Variants in OR51B5 observed in about 807,000 individuals in gnomAD.
OR51B5 encodes the protein olfactory receptor 51B5.
For synonymous variants in OR51B5, 186 were observed against 144.8 expected (o/e 1.28, Z -2.04); for missense variants, 456 against 374.6 (o/e 1.22, Z -1.79).
At chr11:5,346,708 C>T (rs1473726791), upstream of OR51B5, among the ~76,000 whole-genome samples, 4 of 151,774 alleles carry the variant, frequency 2.6e-5, no homozygotes, top group Non-Finnish European at 4.4e-5. Context: ...TGCACACATC[C>T]AAAGCTGTGG....
chr11:5,451,835 T>C (rs748379247), intron 1 of OR51B5, among the ~76,000 whole-genome samples: 9 of 152,192 alleles, frequency 5.9e-5, no homozygotes, highest in Non-Finnish European at 1.2e-4. Context: ...GGGTGACCTA[T>C]TAGCTTGAAA....
chr11:5,468,001 A>C (rs1477422473), intron 1 of OR51B5, among the ~76,000 whole-genome samples: 2 of 152,166 alleles, frequency 1.3e-5, no homozygotes, highest in Non-Finnish European at 2.9e-5. Flanking sequence ...AGAACTCTGG[A>C]TTATTCTTAT....
chr11:5,468,987 T>C (rs1160981955), intron 1 of OR51B5: 2 of 341,508 alleles, frequency 5.9e-6, no homozygotes, highest in African/African-American at 4.3e-5. Context: ...GATATGCCAT[T>C]GTGGGCCACA....
intron 1 of OR51B5, among the ~76,000 whole-genome samples, chr11:5,376,482 C>T (rs368128459): frequency 1.4e-4 from 21 of 151,892 alleles, no homozygotes; most frequent in Non-Finnish European, 2.2e-4. Flanking sequence ...CTGAAGGAAA[C>T]AGAGACACAA....
In OR51B5 at chr11:5,421,610, CA is replaced by C. The variant is rs563147167; in HGVS notation, n.85-74701del. Among the ~76,000 whole-genome samples the C allele has an allele frequency of 4.7e-4, 72 of 152,146 alleles. 3 individuals are homozygous for C. The South Asian group carries it at 0.014, about 29-fold the overall frequency. Reference sequence around the variant, plus strand: ...TAGAAATAAAATCAATATCAGAAGACATTAGCTAATGAGAATAGGACAGAGT... The same window carrying C: ...TAGAAATAAAATCAATATCAGAAGACTTAGCTAATGAGAATAGGACAGAGT... On this transcript the variant is annotated intron_variant and non_coding_transcript_variant, in intron 1 of 4. Transcript: ENST00000415970.
chr11:5,383,092 A>AT (rs371140238), intron 1 of OR51B5, among the ~76,000 whole-genome samples: 15 of 150,016 alleles, frequency 1.0e-4, no homozygotes, highest in East Asian at 3.9e-4. Flanking sequence ...GTACAAGACT[A>AT]TTTTTTTTTT....
chr11:5,362,333 A>T (rs1016356922), intron 1 of OR51B5, among the ~76,000 whole-genome samples: 3 of 152,354 alleles, frequency 2.0e-5, no homozygotes, highest in East Asian at 1.9e-4. Flanking sequence ...GCAAAAAGCC[A>T]TTCAGAGCCA....
At chr11:5,361,134 G>A (rs907932215) in intron 1 of OR51B5, among the ~76,000 whole-genome samples, 1 of 137,418 alleles carries the variant, frequency 7.3e-6, no homozygotes, top group African/African-American at 2.7e-5. Flanking sequence ...AAAACTTAAA[G>A]TATAATAATA....
intron 1 of OR51B5, chr11:5,455,282 AT>A (rs1250382714): frequency 6.6e-6 from 1 of 151,338 alleles, no homozygotes; most frequent in Non-Finnish European, 1.5e-5. Context: ...CCTTCTTGAG[AT>A]TTTAACTGTC....
chr11:5,439,680 T>C (rs565448581), intron 1 of OR51B5, among the ~76,000 whole-genome samples: 1 of 152,314 alleles, frequency 6.6e-6, no homozygotes, highest in East Asian at 1.9e-4. Context: ...ATGATATTGA[T>C]CTGGAAATCA....
intron 1 of OR51B5, among the ~76,000 whole-genome samples, chr11:5,357,286 C>T (rs566117639): frequency 1.3e-5 from 2 of 151,778 alleles, no homozygotes; most frequent in East Asian, 1.9e-4. Flanking sequence ...GGAAGATCTA[C>T]CAAGAAAATG....
rs199922187 is a variant in OR51B5 at position 5,424,372 on chromosome 11, C to A, written n.85-77462G>T. Among the ~76,000 whole-genome samples the A allele has an allele frequency of 1.6e-3, 225 of 141,026 alleles. 2 individuals carry two copies. The highest frequency in any genetic ancestry group is 5.2e-3 in the African/African-American group (208 of 40,246). 92.5% of individuals were successfully genotyped at this position (141,026 alleles called of 152,430 possible). On this transcript the variant is annotated intron_variant and non_coding_transcript_variant, in intron 1 of 4. Transcript: ENST00000415970. The stretch of plus-strand genomic sequence containing the variant: ...AACAAACAAAAAACAAACAAACAAA[C>A]AAAAAAACACCTTTCAGCAAGATGA...
chr11:5,369,470 AAAAT>A (rs1237650842), intron 1 of OR51B5, among the ~76,000 whole-genome samples: 2 of 152,178 alleles, frequency 1.3e-5, no homozygotes, highest in African/African-American at 4.8e-5. Context: ...TTCTGGATAA[AAAAT>A]AAAATCTGAT....
In OR51B5 at chr11:5,405,406, T is replaced by C. The variant is rs140892212; in HGVS notation, n.85-58496A>G. ...GCAAGAAATAAAGCCTTTGATCTCA[T>C]TAGTAGTCAGTCAAGTAGAATTTAT... On this transcript the variant is annotated intron_variant and non_coding_transcript_variant, in intron 1 of 4. Transcript: ENST00000415970. Among the ~76,000 whole-genome samples, 1,016 of 152,108 alleles carry C rather than the reference T, an allele frequency of 6.7e-3. 7 individuals are homozygous for C. The highest frequency in any genetic ancestry group is 0.023 in the African/African-American group (972 of 41,536).
At chr11:5,431,027 C>A (rs1394750014) in intron 1 of OR51B5, 2 of 456,992 alleles carry the variant, frequency 4.4e-6, no homozygotes, top group Non-Finnish European at 8.8e-6. Flanking sequence ...AGTTTAGTAT[C>A]TGCACAAGGC....
chr11:5,366,751 G>C (rs1235360454), intron 1 of OR51B5, among the ~76,000 whole-genome samples: 3 of 151,542 alleles, frequency 2.0e-5, no homozygotes, highest in African/African-American at 7.3e-5. Context: ...GGAAATCAGG[G>C]TATTCACTTG....
chr11:5,475,857 C>CA (rs1175672988), intron 1 of OR51B5, among the ~76,000 whole-genome samples: 1 of 152,166 alleles, frequency 6.6e-6, no homozygotes, highest in Non-Finnish European at 1.5e-5. Context: ...GGATGACACA[C>CA]ATGGTAGGGT....
chr11:5,392,939 A>C (rs962325033), intron 1 of OR51B5: 3 of 149,966 alleles, frequency 2.0e-5, no homozygotes, highest in Non-Finnish European at 3.0e-5. Context: ...AAAATAAATA[A>C]ATATCTGTGC....
At chr11:5,446,754 G>A (rs1850769601) in intron 1 of OR51B5, among the ~76,000 whole-genome samples, 1 of 152,158 alleles carries the variant, frequency 6.6e-6, no homozygotes, top group Non-Finnish European at 1.5e-5. Context: ...TCCCCCACAG[G>A]ACTCTCTGTC....
Sources: allele counts gnomAD v4.1 joint callset (sites outside exome capture counted in the v4.1 genomes callset), GRCh38; gene constraint gnomAD v4.1.1; transcripts MANE v1.5; gene names NCBI Gene and HGNC (gene_info 2026-07-23, HGNC 2026-07-21).